The following MARCHF5 variants were observed in gnomAD, a reference collection of about 807,000 sequenced individuals.
MARCHF5 encodes the protein membrane associated ring-CH-type finger 5, also known as E3 ubiquitin-protein ligase MARCHF5.
A neutral mutation model predicts 36.5 loss-of-function variants in MARCHF5; 5 were observed. The observed-to-expected ratio is 0.14, with a 90% CI of 0.07 to 0.29. MARCHF5 has a LOEUF of 0.29. MARCHF5 is among the 10% of genes least tolerant of loss of function. MARCHF5 has a pLI of 1.00. For synonymous variants in MARCHF5, 103 were observed against 109.9 expected, an observed-to-expected ratio of 0.94 and a Z score of 0.39; for missense variants, 179 against 336.3, an observed-to-expected ratio of 0.53 and a Z score of 3.66.
At chr10:92,294,283 A>G (rs1842925085) in intron 1 of MARCHF5, among the ~76,000 whole-genome samples, 1 of 152,318 alleles carries the variant, frequency 6.6e-6, no homozygotes, top group East Asian at 1.9e-4. Flanking sequence ...TTCTGACACT[A>G]TGTATATTAT....
intron 3 of MARCHF5, among the ~76,000 whole-genome samples, chr10:92,345,462 A>G (rs977524645): frequency 1.3e-5 from 2 of 152,032 alleles, no homozygotes; most frequent in South Asian, 4.2e-4. Flanking sequence ...CCAAGATTGC[A>G]CTCCAGCCTG....
At chr10:92,337,293 A>G (rs973891228) in intron 2 of MARCHF5, among the ~76,000 whole-genome samples, 1 of 152,010 alleles carries the variant, frequency 6.6e-6, no homozygotes, top group Non-Finnish European at 1.5e-5. Flanking sequence ...AGGTGGGCGG[A>G]TCACCTGAAG....
intron 2 of MARCHF5, among the ~76,000 whole-genome samples, chr10:92,331,553 T>C (rs1843436081): frequency 6.6e-6 from 1 of 152,086 alleles, no homozygotes; most frequent in South Asian, 2.1e-4. Flanking sequence ...TGTCCCTAAC[T>C]AGATTGTAGA....
chr10:92,295,399 A>ATTT (rs1234961486), intron 1 of MARCHF5, among the ~76,000 whole-genome samples: 5 of 65,012 alleles, frequency 7.7e-5, no homozygotes, highest in South Asian at 4.7e-4. Context: ...TTATTTATTT[A>ATTT]TTTATTTATT....
intron 2 of MARCHF5, among the ~76,000 whole-genome samples, chr10:92,331,435 C>G (rs186526584): frequency 7.2e-5 from 11 of 152,144 alleles, no homozygotes; most frequent in East Asian, 1.9e-4. Context: ...TCCTCCCCCC[C>G]CATAATCTTT....
chr10:92,303,161 A>G (rs991499571), intron 1 of MARCHF5, among the ~76,000 whole-genome samples: 14 of 152,146 alleles, frequency 9.2e-5, no homozygotes, highest in Admixed American at 9.2e-4. Flanking sequence ...TTTTTTCTAC[A>G]TACTTTAAAA....
chr10:92,325,592 T>C (rs1843347167), intron 2 of MARCHF5, among the ~76,000 whole-genome samples: 3 of 152,342 alleles, frequency 2.0e-5, no homozygotes, highest in Admixed American at 2.0e-4. Flanking sequence ...TGACCAATAT[T>C]TGTATAGCTA....
rs147946197 is a variant in MARCHF5 at position 92,321,434 on chromosome 10, G to A, written c.238+10097G>A. ...GTTGATTTTCATATTAGACTCGCCT[G>A]GGGTTCCTGGGATAAGTTCTACTTG... On this transcript the variant is annotated intron_variant, in intron 2 of 5. Coordinates refer to ENST00000358935, the MANE Select transcript of MARCHF5 (RefSeq NM_017824.5). Among the ~76,000 whole-genome samples, 201 of 152,150 alleles carry A rather than the reference G, an allele frequency of 1.3e-3. 2 individuals carry two copies. Among genetic ancestry groups the A allele is most frequent in the African/African-American group, 4.6e-3 (192 of 41,446 alleles).
At chr10:92,318,510 C>T (rs1027632542) in intron 2 of MARCHF5, among the ~76,000 whole-genome samples, 3 of 151,610 alleles carry the variant, frequency 2.0e-5, no homozygotes, top group African/African-American at 7.3e-5. Context: ...TGCTTGAGCC[C>T]AGGAGTTCGA....
chr10:92,324,439 G>T (rs781750548), intron 2 of MARCHF5, among the ~76,000 whole-genome samples: 3 of 152,098 alleles, frequency 2.0e-5, no homozygotes, highest in Non-Finnish European at 2.9e-5. Context: ...TTGGCTCACT[G>T]CAAGCTCTGC....
intron 1 of MARCHF5, among the ~76,000 whole-genome samples, chr10:92,303,689 A>G (rs767033585): frequency 1.3e-5 from 2 of 152,174 alleles, no homozygotes; most frequent in Non-Finnish European, 2.9e-5. Context: ...TTTGTCATGT[A>G]TATTCCTTAA....
intron 3 of MARCHF5, among the ~76,000 whole-genome samples, chr10:92,343,761 G>A (rs925189008): frequency 6.6e-6 from 1 of 152,104 alleles, no homozygotes; most frequent in African/African-American, 2.4e-5. Context: ...TAGAGATGGG[G>A]TTTCACCATG....
intron 2 of MARCHF5, among the ~76,000 whole-genome samples, chr10:92,332,863 C>A (rs1843453312): frequency 1.4e-5 from 2 of 147,380 alleles, no homozygotes; most frequent in African/African-American, 2.5e-5. Context: ...TTGATATCTT[C>A]AATAAAATTC....
intron 2 of MARCHF5, among the ~76,000 whole-genome samples, chr10:92,315,849 A>G (rs556938679): frequency 2.0e-5 from 3 of 152,282 alleles, no homozygotes; most frequent in South Asian, 2.1e-4. Flanking sequence ...CATTTTCCTT[A>G]TTATGATAGT....
In MARCHF5 at chr10:92,291,392, C is replaced by T. The variant is rs1384541138; in HGVS notation, c.-103C>T. 4 of 1,091,776 alleles carry T rather than the reference C, an allele frequency of 3.7e-6. No homozygotes were observed. Among genetic ancestry groups the T allele is most frequent in the Non-Finnish European group, 5.4e-6 (4 of 737,010 alleles). The allele number at this position is 1,091,776 out of a possible 1,614,324, so 67.6% of individuals were successfully genotyped here. On this transcript the variant is annotated 5_prime_UTR_variant, in exon 1 of 6. Coordinates refer to ENST00000358935, the MANE Select transcript of MARCHF5 (RefSeq NM_017824.5). ...AGCTGGGTGACGGGTTCGCGGCTGCCGCCGGACTGCGGCCTACTCCGCCGC... is the reference window on the plus strand; with the variant it reads ...AGCTGGGTGACGGGTTCGCGGCTGCTGCCGGACTGCGGCCTACTCCGCCGC...
chr10:92,350,973 T>C, intron 5 of MARCHF5, 118 bp from the exon 6 acceptor site: 1 of 626,206 alleles, frequency 1.6e-6, no homozygotes, highest in South Asian at 2.0e-5. Context: ...TCATTTGCAG[T>C]CATCTGAATT....
intron 1 of MARCHF5, among the ~76,000 whole-genome samples, chr10:92,293,828 G>A (rs757568105): frequency 6.6e-6 from 1 of 151,894 alleles, no homozygotes; most frequent in Non-Finnish European, 1.5e-5. Context: ...ACAGAAATGC[G>A]AAGATTCTGG....
intron 2 of MARCHF5, among the ~76,000 whole-genome samples, chr10:92,336,644 A>G (rs1056714151): frequency 3.9e-5 from 6 of 152,110 alleles, no homozygotes; most frequent in Non-Finnish European, 8.8e-5. Flanking sequence ...GAGGTCAAGA[A>G]GAAGAGGAAG....
At chr10:92,346,997 T>C (rs1331568561) in intron 3 of MARCHF5, among the ~76,000 whole-genome samples, 1 of 152,156 alleles carries the variant, frequency 6.6e-6, no homozygotes, top group Non-Finnish European at 1.5e-5. Context: ...TTTAATCATA[T>C]TTAGTTATAA....
Sources: gnomAD v4.1 joint callset for allele counts (sites outside exome capture counted in the v4.1 genomes callset) on GRCh38, gnomAD v4.1.1 for gene constraint, MANE v1.5 for transcripts, NCBI Gene and HGNC (gene_info 2026-07-23, HGNC 2026-07-21) for gene names.